CAPRIN2: variants seen among roughly 807,000 people sequenced by gnomAD.
CAPRIN2 encodes the protein caprin-2.
CAPRIN2 carries 66 observed loss-of-function variants against 130.4 expected under a neutral mutation model. The observed-to-expected ratio is 0.51, with a 90% CI of 0.42 to 0.62. The LOEUF is 0.62. CAPRIN2 is among the 20% of genes least tolerant of loss of function. The probability of loss-of-function intolerance (pLI) is 0.00; values close to 1 mark genes in which losing one functional copy is unlikely to be tolerated. For missense variants in CAPRIN2, 1,185 were observed against 1,246.6 expected, an observed-to-expected ratio of 0.95 and a Z score of 0.74; for synonymous variants, 471 against 444.1, an observed-to-expected ratio of 1.06 and a Z score of -0.76.
rs1037261541 is a variant in CAPRIN2 at position 30,726,147 on chromosome 12, G to A, written c.1783-59C>T. The A allele has an allele frequency of 6.8e-6, 9 of 1,318,672 alleles. No individual in the cohort carries two copies. The African/African-American group carries it at 9.1e-5, about 13-fold the overall frequency. The allele number at this position is 1,318,672 out of a possible 1,614,324, so 81.7% of individuals were successfully genotyped here. ...ATGCAAATTCAAGAGCCTAATCTAG[G>A]AAACAGTTTATCACTACATCTTAAA... On this transcript the variant is annotated intron_variant, in intron 8 of 16. Transcript: ENST00000298892.
At chr12:30,731,418 G>A (rs34481909) in exon 6 of CAPRIN2, 37 of 1,612,690 alleles carry the variant, frequency 2.3e-5, no homozygotes, top group Middle Eastern at 3.3e-4. Context: ...TCCTCCAGTG[G>A]TACTTCCTTT....
intron 2 of CAPRIN2, among the ~76,000 whole-genome samples, chr12:30,747,815 A>AT (rs1181595435): frequency 1.3e-5 from 2 of 152,218 alleles, no homozygotes; most frequent in Non-Finnish European, 2.9e-5. Flanking sequence ...CATTAAGAAC[A>AT]TTTGTGATTC....
At chr12:30,745,930 T>C (rs2069968181) in intron 2 of CAPRIN2, among the ~76,000 whole-genome samples, 1 of 152,182 alleles carries the variant, frequency 6.6e-6, no homozygotes, top group African/African-American at 2.4e-5. Flanking sequence ...AAAAACTGAA[T>C]GAAATAGGTG....
At chr12:30,728,218 A>G (rs1304317620) in intron 8 of CAPRIN2, among the ~76,000 whole-genome samples, 1 of 152,154 alleles carries the variant, frequency 6.6e-6, no homozygotes, top group Non-Finnish European at 1.5e-5. Flanking sequence ...TCTACCCACT[A>G]AAGAGGGTGA....
chr12:30,738,999 T>C (rs905474007), intron 3 of CAPRIN2, among the ~76,000 whole-genome samples: 1 of 152,152 alleles, frequency 6.6e-6, no homozygotes, highest in African/African-American at 2.4e-5. Context: ...GTGTGGCAAT[T>C]CCTCAAAGAG....
chr12:30,728,594 G>T, intron 8 of CAPRIN2, 54 bp downstream of exon 9: 4 of 1,323,082 alleles, frequency 3.0e-6, no homozygotes, highest in South Asian at 2.9e-5. Flanking sequence ...TCATTACCAC[G>T]ACACCTTATT....
chr12:30,733,556 C>G, intron 5 of CAPRIN2, 73 bp downstream of exon 6: 2 of 980,766 alleles, frequency 2.0e-6, no homozygotes, highest in Non-Finnish European at 3.3e-6. Context: ...AGTTTAGACC[C>G]TCAATATCAT....
chr12:30,736,536 A>G (rs2064900069), intron 3 of CAPRIN2, among the ~76,000 whole-genome samples: 1 of 152,236 alleles, frequency 6.6e-6, no homozygotes, highest in South Asian at 2.1e-4. Context: ...CATGAAAAAG[A>G]TTCACTGTGG....
Position 30,731,531 on chromosome 12 carries a change from C to T in CAPRIN2, c.893-21G>A, listed in dbSNP as rs541813592. On this transcript the variant is annotated intron_variant, in intron 5 of 16. Coordinates refer to ENST00000298892, the Ensembl canonical transcript of CAPRIN2. ...TTTGTCTAAGAAAGAGTGATTAAGA[C>T]TTAATTGTCACATGACCTAATTGAA... 4.4e-6 allele frequency: 7 copies of T among 1,594,920 alleles called. No individual in the cohort carries two copies. The South Asian group carries it at 4.5e-5, about 10-fold the overall frequency.
intron 12 of CAPRIN2, chr12:30,719,433 G>A (rs2058682801): frequency 1.8e-6 from 1 of 553,470 alleles, no homozygotes; most frequent in Non-Finnish European, 3.2e-6. Flanking sequence ...TGCTGACTAA[G>A]TGAAAGAGTC....
Position 30,710,271 on chromosome 12 carries a change from G to A in CAPRIN2, c.2865C>T (p.Thr955=). The change falls in exon 17 of 17, where the codon ACC becomes ACT. Residue 955 remains threonine (T), a synonymous_variant. Coordinates refer to ENST00000298892, the Ensembl canonical transcript of CAPRIN2. The surrounding 1 kb of genome is among the most constrained non-coding windows in gnomAD (Gnocchi z 4.8). The stretch of plus-strand genomic sequence containing the variant: ...CTAAAGTTCCAGGGGCCAGATTAGA[G>A]GTTCTGGCTGCTGAGAAGGCAACTC... 3 of 1,614,204 alleles carry A rather than the reference G, an allele frequency of 1.9e-6. No homozygotes were observed. Among genetic ancestry groups the A allele is most frequent in the Non-Finnish European group, 2.5e-6 (3 of 1,180,040 alleles).
intron 2 of CAPRIN2, among the ~76,000 whole-genome samples, chr12:30,744,514 G>A (rs534617721): frequency 3.9e-5 from 6 of 152,152 alleles, no homozygotes; most frequent in African/African-American, 9.6e-5. Context: ...GAGCCTTTAC[G>A]CATGCAAGCA....
chr12:30,750,154 A>C (rs998373145), intron 2 of CAPRIN2, among the ~76,000 whole-genome samples: 1 of 152,262 alleles, frequency 6.6e-6, no homozygotes, highest in African/African-American at 2.4e-5. Context: ...CCATTTGCAG[A>C]GCTCACACAA....
chr12:30,735,265 A>G (rs2064212280), intron 3 of CAPRIN2, 59 bp from the exon 5 acceptor site: 2 of 1,289,976 alleles, frequency 1.6e-6, no homozygotes, highest in Non-Finnish European at 2.3e-6. Flanking sequence ...TATTAGCAAT[A>G]CGTATCTACA....
intron 4 of CAPRIN2, 67 bp downstream of exon 5, chr12:30,734,897 CACAT>C: frequency 1.1e-6 from 1 of 931,094 alleles, no homozygotes; most frequent in Non-Finnish European, 1.8e-6. Flanking sequence ...CTCTCTCTCT[CACAT>C]ACACACACCC....
chr12:30,723,720 T>C (rs976555381), intron 10 of CAPRIN2, among the ~76,000 whole-genome samples: 1 of 152,246 alleles, frequency 6.6e-6, no homozygotes, highest in African/African-American at 2.4e-5. Flanking sequence ...TTTTTTCTGA[T>C]TATATATATT....
chr12:30,716,330 T>C (rs2136640553), intron 13 of CAPRIN2, 178 bp downstream of exon 15: 1 of 546,956 alleles, frequency 1.8e-6, no homozygotes, highest in Non-Finnish European at 3.2e-6. Context: ...AATTAATAGG[T>C]AAACTTAACA....
intron 2 of CAPRIN2, among the ~76,000 whole-genome samples, chr12:30,750,703 G>T (rs1464356480): frequency 6.6e-6 from 1 of 152,200 alleles, no homozygotes; most frequent in Non-Finnish European, 1.5e-5. Flanking sequence ...TTCTGGAGCA[G>T]AAAGATGTCA....
chr12:30,711,883 T>G (rs532937137), intron 15 of CAPRIN2: 131 of 615,534 alleles, frequency 2.1e-4, no homozygotes, highest in African/African-American at 2.1e-3. Context: ...AACAAAGCAC[T>G]TGGAGAATAC....
Sources: gnomAD v4.1 joint callset for allele counts (sites outside exome capture counted in the v4.1 genomes callset) on GRCh38, gnomAD v4.1.1 for gene constraint, Gnocchi (gnomAD v3.1) non-coding constraint, MANE v1.5 for transcripts, NCBI Gene and HGNC (gene_info 2026-07-23, HGNC 2026-07-21) for gene names.